Variants in PTPRM observed in about 807,000 individuals in gnomAD.
The protein encoded by PTPRM is protein tyrosine phosphatase receptor type M, also known as receptor-type tyrosine-protein phosphatase mu.
Under a neutral mutation model 186.7 loss-of-function variants are expected in PTPRM, and 47 were observed. The ratio of observed to expected loss-of-function variants is 0.25; its 90% CI spans 0.20 to 0.32. The LOEUF (loss-of-function observed/expected upper bound fraction) is 0.32. Among genes scored for constraint, PTPRM ranks in the 10% least tolerant of loss-of-function variants. The pLI is 1.00. For missense variants in PTPRM, 1,494 were observed against 1,865.0 expected, an observed-to-expected ratio of 0.80 and a Z score of 3.66; for synonymous variants, 668 against 674.9, an observed-to-expected ratio of 0.99 and a Z score of 0.16.
chr18:8,260,242 C>A (rs1463393877), intron 19 of PTPRM, among the ~76,000 whole-genome samples: 1 of 152,106 alleles, frequency 6.6e-6, no homozygotes, highest in African/African-American at 2.4e-5. Flanking sequence ...TAGCTTACTA[C>A]AGCCTTGACC....
chr18:8,263,599 TTAGC>T (rs1295985557), intron 19 of PTPRM, among the ~76,000 whole-genome samples: 4 of 152,156 alleles, frequency 2.6e-5, no homozygotes, highest in Non-Finnish European at 4.4e-5. Flanking sequence ...AGTGGAGCCC[TTAGC>T]TAGCCTCAGG....
At chr18:8,063,901 A>T (rs2088835147) in intron 7 of PTPRM, among the ~76,000 whole-genome samples, 1 of 152,206 alleles carries the variant, frequency 6.6e-6, no homozygotes, top group South Asian at 2.1e-4. Context: ...AAGCATTTGG[A>T]CATACTGCAT....
chr18:7,657,703 G>A (rs1298828371), intron 1 of PTPRM, among the ~76,000 whole-genome samples: 1 of 152,198 alleles, frequency 6.6e-6, no homozygotes, highest in Non-Finnish European at 1.5e-5. Flanking sequence ...AAGATGGACC[G>A]AAATTTTCAT....
intron 2 of PTPRM, among the ~76,000 whole-genome samples, chr18:7,858,345 C>A (rs1226277617): frequency 2.6e-5 from 4 of 151,912 alleles, no homozygotes; most frequent in Non-Finnish European, 5.9e-5. Flanking sequence ...TCACTTGAGG[C>A]TGGGAGTTCA....
chr18:8,104,728 A>G (rs1248992807), intron 11 of PTPRM, among the ~76,000 whole-genome samples: 1 of 152,214 alleles, frequency 6.6e-6, no homozygotes, highest in Non-Finnish European at 1.5e-5. Context: ...AACTACAGGC[A>G]TGAGGTACCA....
At chr18:8,288,855 G>A (rs2094988889) in intron 19 of PTPRM, among the ~76,000 whole-genome samples, 1 of 152,134 alleles carries the variant, frequency 6.6e-6, no homozygotes, top group Non-Finnish European at 1.5e-5. Context: ...TTGATTGAGG[G>A]GCCCTCCAGG....
In PTPRM at chr18:8,009,431, C is replaced by T. The variant is rs555102437; in HGVS notation, c.1132+54017C>T. ...AAGAAACTAAATGAATCACTTTGGCCGAGCGCGGTGGCCCATGCCTGTAAT... is the reference window on the plus strand; with the variant it reads ...AAGAAACTAAATGAATCACTTTGGCTGAGCGCGGTGGCCCATGCCTGTAAT... On this transcript the variant is annotated intron_variant, in intron 7 of 32. Transcript: ENST00000580170. 7.2e-5 allele frequency among the ~76,000 whole-genome samples: 11 copies of T among 152,114 alleles called. No individual in the cohort carries two copies. The South Asian group carries it at 1.5e-3, about 20-fold the overall frequency.
intron 4 of PTPRM, among the ~76,000 whole-genome samples, chr18:7,910,542 A>C (rs1048027283): frequency 2.0e-5 from 3 of 152,228 alleles, no homozygotes; most frequent in Non-Finnish European, 4.4e-5. Flanking sequence ...TAAGTGAAGT[A>C]GTGGCCGATG....
intron 14 of PTPRM, among the ~76,000 whole-genome samples, chr18:8,221,837 C>T (rs893461763): frequency 1.3e-5 from 2 of 152,208 alleles, no homozygotes; most frequent in African/African-American, 2.4e-5. Context: ...CAGACTGTAA[C>T]CTACCAATGA....
chr18:7,756,967 A>G (rs2041526581), intron 1 of PTPRM, among the ~76,000 whole-genome samples: 1 of 152,164 alleles, frequency 6.6e-6, no homozygotes, highest in African/African-American at 2.4e-5. Flanking sequence ...CCACCTTTGT[A>G]GCCTGATCTT....
intron 1 of PTPRM, among the ~76,000 whole-genome samples, chr18:7,638,106 G>T (rs1176766859): frequency 6.6e-6 from 1 of 152,128 alleles, no homozygotes. Context: ...GAAAACTGAA[G>T]ACTGATTAGT....
intron 23 of PTPRM, among the ~76,000 whole-genome samples, chr18:8,353,519 G>A (rs2095547153): frequency 6.6e-6 from 1 of 152,062 alleles, no homozygotes; most frequent in Non-Finnish European, 1.5e-5. Flanking sequence ...ATACAGTTTG[G>A]GTGTTATGGT....
chr18:7,633,785 G>A lies in PTPRM; in HGVS notation c.73+65894G>A, dbSNP rs531510574. 9.9e-5 allele frequency among the ~76,000 whole-genome samples: 15 copies of A among 152,228 alleles called. No homozygotes were observed. In the East Asian group the frequency reaches 2.5e-3, roughly 26 times the overall value. Reference sequence around the variant, plus strand: ...GAAACTTGGAGTCATCCTGATTCCTGTTTCTCTCATGCCTACATTCAGCCA... The same window carrying A: ...GAAACTTGGAGTCATCCTGATTCCTATTTCTCTCATGCCTACATTCAGCCA... On this transcript the variant is annotated intron_variant, in intron 1 of 32. Coordinates refer to ENST00000580170, the MANE Select transcript of PTPRM (RefSeq NM_001105244.2).
chr18:8,359,651 T>C (rs2095584807), intron 23 of PTPRM, among the ~76,000 whole-genome samples: 1 of 152,256 alleles, frequency 6.6e-6, no homozygotes, highest in Non-Finnish European at 1.5e-5. Context: ...GCAGGGAGCC[T>C]GCATGTGTAG....
chr18:8,301,901 A>G (rs2095161931), intron 20 of PTPRM, among the ~76,000 whole-genome samples: 1 of 152,240 alleles, frequency 6.6e-6, no homozygotes, highest in Non-Finnish European at 1.5e-5. Flanking sequence ...GATGCCAACC[A>G]GGACTTGAAA....
intron 7 of PTPRM, among the ~76,000 whole-genome samples, chr18:7,987,115 C>T (rs1021150905): frequency 2.0e-5 from 3 of 152,154 alleles, no homozygotes; most frequent in African/African-American, 7.2e-5. Flanking sequence ...CTGGTAACCC[C>T]AACATGGGGA....
intron 1 of PTPRM, among the ~76,000 whole-genome samples, chr18:7,611,562 C>T (rs898745278): frequency 6.6e-6 from 1 of 152,172 alleles, no homozygotes; most frequent in Non-Finnish European, 1.5e-5. Flanking sequence ...AGCAATAGGC[C>T]ATACCAGCCT....
intron 5 of PTPRM, among the ~76,000 whole-genome samples, chr18:7,940,955 G>A (rs191581589): frequency 6.6e-6 from 1 of 152,210 alleles, no homozygotes; most frequent in African/African-American, 2.4e-5. Context: ...CAGTGCAGAT[G>A]CCTTTATGAA....
intron 4 of PTPRM, among the ~76,000 whole-genome samples, chr18:7,910,923 C>A (rs1365850079): frequency 6.6e-6 from 1 of 152,166 alleles, no homozygotes; most frequent in African/African-American, 2.4e-5. Context: ...AGACCCTATT[C>A]TCCCGACTTA....
Sources: allele counts gnomAD v4.1 joint callset (sites outside exome capture counted in the v4.1 genomes callset), GRCh38; gene constraint gnomAD v4.1.1; transcripts MANE v1.5; gene names NCBI Gene and HGNC (gene_info 2026-07-23, HGNC 2026-07-21).